Variants in NEB observed in about 807,000 individuals in gnomAD.
The protein encoded by NEB is nebulin.
A neutral mutation model predicts 952.2 loss-of-function variants in NEB; 512 were observed. The ratio of observed to expected loss-of-function variants is 0.54; its 90% CI spans 0.50 to 0.58. NEB has a LOEUF of 0.58. NEB is among the 20% of genes least tolerant of loss of function. The probability of loss-of-function intolerance (pLI) is 0.00; values close to 1 mark genes in which losing one functional copy is unlikely to be tolerated. For synonymous variants in NEB, 2,900 were observed against 3,149.8 expected (o/e 0.92, Z 2.66); for missense variants, 8,428 against 9,231.1 (o/e 0.91, Z 3.56).
chr2:151,688,702 T>C (rs747905292), intron 24 of NEB, among the ~76,000 whole-genome samples: 1 of 152,132 alleles, frequency 6.6e-6, no homozygotes, highest in African/African-American at 2.4e-5. Flanking sequence ...AAGTTTAATT[T>C]ATATATTAGG....
Position 151,540,695 on chromosome 2 carries a change from A to G in NEB, c.20787+2T>C, listed in dbSNP as rs1337287633. On this transcript the variant is annotated splice_donor_variant, in intron 137 of 181. Transcript: ENST00000397345. LOFTEE classifies it high-confidence loss of function. ...TGCCTCAGTGCTGAATTCCCATCTT[A>G]CCTCACTGACCATGTCCTTCACGTC... The G allele has an allele frequency of 7.4e-6, 12 of 1,611,982 alleles. No homozygotes were observed. Among genetic ancestry groups the G allele is most frequent in the Non-Finnish European group, 1.0e-5 (12 of 1,178,414 alleles).
At chr2:151,690,875 A>C in intron 23 of NEB, 50 bp from the exon 24 acceptor site, 2 of 1,304,282 alleles carry the variant, frequency 1.5e-6, no homozygotes, top group Non-Finnish European at 2.2e-6. Flanking sequence ...TCTTGGTTAT[A>C]CATGCGCTAA....
chr2:151,693,209 T>C (rs1275871662), intron 20 of NEB, among the ~76,000 whole-genome samples: 1 of 152,214 alleles, frequency 6.6e-6, no homozygotes, highest in Non-Finnish European at 1.5e-5. Flanking sequence ...TGCTAGGAAT[T>C]AGGAAAGCAA....
At chr2:151,572,832 G>A (rs1464647559) in intron 107 of NEB, among the ~76,000 whole-genome samples, 1 of 146,676 alleles carries the variant, frequency 6.8e-6, no homozygotes, top group Non-Finnish European at 1.5e-5. Flanking sequence ...TTACAGGCAT[G>A]AGCCACCATG....
At chr2:151,529,663 T>C (rs1427475307) in intron 145 of NEB, among the ~76,000 whole-genome samples, 4 of 152,078 alleles carry the variant, frequency 2.6e-5, no homozygotes, top group Admixed American at 2.0e-4. Context: ...CCTGAGTACC[T>C]GGGACCACAG....
At chr2:151,562,329 G>T in intron 120 of NEB, 115 bp from the exon 121 acceptor site, 1 of 915,212 alleles carries the variant, frequency 1.1e-6, no homozygotes, top group Non-Finnish European at 1.8e-6. Flanking sequence ...CATAGGGTAG[G>T]CCTCTCACCA....
intron 165 of NEB, among the ~76,000 whole-genome samples, chr2:151,504,369 G>A (rs1575379902): frequency 1.3e-5 from 2 of 152,032 alleles, no homozygotes; most frequent in South Asian, 2.1e-4. Context: ...AATTGATCTC[G>A]GACAACAGCA....
At position 151,663,615 on chromosome 2, in the gene NEB, G is replaced by A. The variant is rs202234374; in HGVS notation, c.5696C>T (p.Thr1899Ile). 255 of 1,613,756 alleles carry A rather than the reference G, an allele frequency of 1.6e-4. 1 individual carries two copies. In the Admixed American group the frequency reaches 1.8e-3, roughly 11 times the overall value. Residue 1899 changes from threonine to isoleucine, a missense_variant, in exon 45 of 182, where the codon ACC becomes ATC. Transcript: ENST00000397345. ...CATGGCATCAGGAAGCATGTTGTAG[G>A]TATGGATCACGTTCCTGTAGTTGGC... ...TNANYRNVIH[T>I]YNMLPDAMSF... is the part of the protein sequence containing the mutation.
intron 7 of NEB, 129 bp from the exon 8 acceptor site, chr2:151,724,493 G>T: frequency 1.4e-6 from 1 of 699,588 alleles, no homozygotes. Flanking sequence ...GGAAAACATT[G>T]ACCATGCCAA....
chr2:151,524,622 T>C lies in NEB; in HGVS notation c.22273-6A>G. ...GCATCTTTTCTGTAAGCGACCTTTA[T>C]TGGGGAAGAAAATGTTTACTCAAGA... On this transcript the variant is annotated splice_polypyrimidine_tract_variant and splice_region_variant and intron_variant, in intron 151 of 181. Transcript: ENST00000397345. 1 of 1,593,276 alleles carries C rather than the reference T, an allele frequency of 6.3e-7. No individual in the cohort carries two copies. Among genetic ancestry groups the C allele is most frequent in the South Asian group, 1.1e-5 (1 of 90,138 alleles).
rs1283576960 is a variant in NEB, at chr2:151,514,215, TTTTCTC to T, written c.23127+97_23127+102del. The T allele has an allele frequency of 1.4e-5, 11 of 774,726 alleles. No homozygotes were observed. In the African/African-American group the frequency reaches 1.9e-4, roughly 13 times the overall value. 48.0% of individuals were successfully genotyped at this position (774,726 alleles called of 1,614,324 possible). ...GGAATCTGAAAATGAAAAGCTCTGT[TTTTCTC>T]TGTTCTCTGTTTTTGTTTTGCTTTT... On this transcript the variant is annotated intron_variant, in intron 159 of 181. Transcript: ENST00000397345.
At chr2:151,673,430 A>G (rs1461199537) in intron 36 of NEB, among the ~76,000 whole-genome samples, 1 of 151,090 alleles carries the variant, frequency 6.6e-6, no homozygotes, top group East Asian at 1.9e-4. Flanking sequence ...ATCACTGTGT[A>G]AGTGCTAAAA....
At chr2:151,543,408 T>G (rs1369805975) in intron 135 of NEB, among the ~76,000 whole-genome samples, 1 of 152,214 alleles carries the variant, frequency 6.6e-6, no homozygotes, top group Non-Finnish European at 1.5e-5. Context: ...ATGTTACTAT[T>G]GAAAGAGATA....
chr2:151,711,588 T>C (rs2099745490), intron 10 of NEB, among the ~76,000 whole-genome samples: 1 of 152,194 alleles, frequency 6.6e-6, no homozygotes, highest in Admixed American at 6.5e-5. Context: ...CTGGTTTTCG[T>C]AGCTATAAAT....
At position 151,719,210 on chromosome 2, in the gene NEB, C is replaced by G. The variant is rs184949560; in HGVS notation, c.718-1690G>C. ...AAAGAAGATGTCCTATCCTTGGGAA[C>G]CCTTGTGGCCTGCATAGTACCTAGC... On this transcript the variant is annotated intron_variant, in intron 9 of 181. Transcript: ENST00000397345. Among the ~76,000 whole-genome samples, 279 of 152,330 alleles carry G rather than the reference C, an allele frequency of 1.8e-3. 2 individuals carry two copies. Among genetic ancestry groups the G allele is most frequent in the African/African-American group, 6.6e-3 (273 of 41,568 alleles).
At chr2:151,725,285 G>A (rs1362125944) in intron 6 of NEB, among the ~76,000 whole-genome samples, 168 bp downstream of exon 6, 2 of 152,104 alleles carry the variant, frequency 1.3e-5, no homozygotes, top group African/African-American at 4.8e-5. Context: ...GTTTCTTTGG[G>A]TTCACATTTA....
intron 160 of NEB, among the ~76,000 whole-genome samples, chr2:151,513,256 TC>T (rs1575698411): frequency 6.6e-6 from 1 of 152,182 alleles, no homozygotes; most frequent in African/African-American, 2.4e-5. Flanking sequence ...AGCAAGGAAT[TC>T]CTGGCATCAA....
At chr2:151,515,051 A>C (rs561474254) in intron 157 of NEB, 123 bp from the exon 158 acceptor site, 1 of 643,348 alleles carries the variant, frequency 1.6e-6, no homozygotes, top group South Asian at 1.9e-5. Flanking sequence ...TAGTTCTGCT[A>C]ATGGTCACAC....
At chr2:151,500,256 G>T (rs2063411759) in intron 168 of NEB, among the ~76,000 whole-genome samples, 1 of 152,004 alleles carries the variant, frequency 6.6e-6, no homozygotes, top group South Asian at 2.1e-4. Context: ...TTATGTCAAA[G>T]AATCAAACTT....
Sources: gnomAD v4.1 joint callset for allele counts (sites outside exome capture counted in the v4.1 genomes callset) on GRCh38, gnomAD v4.1.1 for gene constraint, MANE v1.5 for transcripts, NCBI Gene and HGNC (gene_info 2026-07-23, HGNC 2026-07-21) for gene names.